L3MBTL4: variants seen among roughly 807,000 people sequenced by gnomAD.
The protein encoded by L3MBTL4 is L3MBTL histone methyl-lysine binding protein 4, also known as lethal(3)malignant brain tumor-like protein 4.
A neutral mutation model predicts 84.5 loss-of-function variants in L3MBTL4; 70 were observed. That is an observed-to-expected ratio of 0.83 (90% CI 0.68 to 1.01). L3MBTL4 has a LOEUF of 1.01. L3MBTL4 is among the 50% of genes least tolerant of loss of function. The pLI is 0.00. For synonymous variants in L3MBTL4, 274 were observed against 259.8 expected, an observed-to-expected ratio of 1.05 and a Z score of -0.52; for missense variants, 715 against 754.8, an observed-to-expected ratio of 0.95 and a Z score of 0.62.
At chr18:6,169,314 C>T (rs1265444669) in intron 13 of L3MBTL4, among the ~76,000 whole-genome samples, 3 of 152,198 alleles carry the variant, frequency 2.0e-5, no homozygotes, top group Non-Finnish European at 2.9e-5. Flanking sequence ...TTTGACCCAG[C>T]CATCCCATTA....
rs577404502 is a variant in L3MBTL4 at position 6,215,013 on chromosome 18, T to C, written c.870+737A>G. Among the ~76,000 whole-genome samples, 19 of 152,294 alleles carry C rather than the reference T, an allele frequency of 1.2e-4. No individual in the cohort carries two copies. In the South Asian group the frequency reaches 3.9e-3, roughly 32 times the overall value. Reference sequence around the variant, plus strand: ...AATACTGTTAATTATAATCAATTTTTTCAAAAAATGAAATATCATTTTGTT... The same window carrying C: ...AATACTGTTAATTATAATCAATTTTCTCAAAAAATGAAATATCATTTTGTT... On this transcript the variant is annotated intron_variant, in intron 11 of 18. Coordinates refer to ENST00000317931, the MANE Select transcript of L3MBTL4 (RefSeq NM_001330559.2).
intron 13 of L3MBTL4, among the ~76,000 whole-genome samples, chr18:6,167,611 G>A (rs989461351): frequency 6.6e-6 from 1 of 152,004 alleles, no homozygotes; most frequent in Non-Finnish European, 1.5e-5. Context: ...GAAAAGGCAT[G>A]TGACAAAATT....
intron 14 of L3MBTL4, among the ~76,000 whole-genome samples, chr18:6,121,521 C>T (rs2059526577): frequency 6.6e-6 from 1 of 152,178 alleles, no homozygotes; most frequent in African/African-American, 2.4e-5. Flanking sequence ...ATTTTCATAA[C>T]TAAAGCTTTT....
intron 14 of L3MBTL4, among the ~76,000 whole-genome samples, chr18:6,112,427 T>C (rs866195062): frequency 6.6e-6 from 1 of 152,288 alleles, no homozygotes; most frequent in Middle Eastern, 3.4e-3. Context: ...TCTTTAGGTA[T>C]TAAAATTGAG....
intron 5 of L3MBTL4, among the ~76,000 whole-genome samples, chr18:6,256,047 T>G (rs1442375880): frequency 6.6e-6 from 1 of 152,218 alleles, no homozygotes; most frequent in Non-Finnish European, 1.5e-5. Context: ...CACAAACACT[T>G]GGTATCTGAC....
At chr18:6,055,214 T>C (rs2056979561) in intron 16 of L3MBTL4, among the ~76,000 whole-genome samples, 1 of 152,250 alleles carries the variant, frequency 6.6e-6, no homozygotes. Flanking sequence ...TGTTTAAAGA[T>C]ATTTTAACCT....
chr18:6,336,865 G>C (rs1054268721), intron 1 of L3MBTL4, among the ~76,000 whole-genome samples: 2 of 152,146 alleles, frequency 1.3e-5, no homozygotes, highest in African/African-American at 2.4e-5. Flanking sequence ...TCAGATATTA[G>C]AGCTAATACC....
At chr18:6,324,785 T>C (rs1034309247) in intron 1 of L3MBTL4, among the ~76,000 whole-genome samples, 1 of 152,224 alleles carries the variant, frequency 6.6e-6, no homozygotes, top group South Asian at 2.1e-4. Flanking sequence ...AAAGATCTAC[T>C]AATGTGTTAT....
Position 6,129,366 on chromosome 18 carries a change from C to CTGTGTGTGTGTGTG in L3MBTL4, c.1199+8827_1199+8828insCACACACACACACA, listed in dbSNP as rs761956097. Among the ~76,000 whole-genome samples the CTGTGTGTGTGTGTG allele has an allele frequency of 1.3e-3, 178 of 139,166 alleles. 1 individual carries two copies. Among genetic ancestry groups the CTGTGTGTGTGTGTG allele is most frequent in the South Asian group, 2.4e-3 (10 of 4,202 alleles). The allele number at this position is 139,166 out of a possible 152,430, so 91.3% of individuals were successfully genotyped here. On this transcript the variant is annotated intron_variant, in intron 14 of 18. Coordinates refer to ENST00000317931, the MANE Select transcript of L3MBTL4 (RefSeq NM_001330559.2). The stretch of plus-strand genomic sequence containing the variant: ...ACTCTTAACAATTTACTGGAATTCT[C>CTGTGTGTGTGTGTG]TCTGTGTGTGTGTGTGTGTGTGTGT...
chr18:6,071,761 A>AAAAGAAGG (rs2057638257), intron 16 of L3MBTL4, among the ~76,000 whole-genome samples: 1 of 92,156 alleles, frequency 1.1e-5, no homozygotes, highest in South Asian at 3.8e-4. Context: ...AAGAAAGAAA[A>AAAAGAAGG]AAAGAAAGAA....
At chr18:6,286,979 G>A (rs969820018) in intron 4 of L3MBTL4, among the ~76,000 whole-genome samples, 2 of 152,120 alleles carry the variant, frequency 1.3e-5, no homozygotes, top group Admixed American at 6.6e-5. Flanking sequence ...CTTCAGTGAA[G>A]GAACTTTTCC....
chr18:6,305,775 G>A (rs969272134), intron 3 of L3MBTL4, among the ~76,000 whole-genome samples: 17 of 152,212 alleles, frequency 1.1e-4, no homozygotes, highest in African/African-American at 3.9e-4. Context: ...TTAATGTTCT[G>A]TTCCCTCCTG....
intron 16 of L3MBTL4, among the ~76,000 whole-genome samples, chr18:6,022,420 C>T (rs1444464920): frequency 6.6e-6 from 1 of 152,208 alleles, no homozygotes; most frequent in East Asian, 1.9e-4. Context: ...ACAGCCTCCA[C>T]AATGCTTTTA....
At chr18:6,209,856 G>A (rs2046031445) in intron 12 of L3MBTL4, among the ~76,000 whole-genome samples, 1 of 152,164 alleles carries the variant, frequency 6.6e-6, no homozygotes, top group South Asian at 2.1e-4. Flanking sequence ...GATGAACCTT[G>A]AAAACATTAT....
intron 16 of L3MBTL4, among the ~76,000 whole-genome samples, chr18:6,047,726 A>G (rs1345616998): frequency 6.6e-6 from 1 of 152,214 alleles, no homozygotes; most frequent in Admixed American, 6.5e-5. Context: ...AACCCTCAAC[A>G]GACTAGTCAT....
chr18:6,185,434 G>A lies in L3MBTL4; in HGVS notation c.982-13492C>T, dbSNP rs371494817. Among the ~76,000 whole-genome samples, 131 of 152,258 alleles carry A rather than the reference G, an allele frequency of 8.6e-4. No homozygotes were observed. In the South Asian group the frequency reaches 0.013, roughly 15 times the overall value. On this transcript the variant is annotated intron_variant, in intron 12 of 18. Coordinates refer to ENST00000317931, the MANE Select transcript of L3MBTL4 (RefSeq NM_001330559.2). ...GCCAAAGGACTCATGAAGACAGGAG[G>A]AGAGGGAGGCTGGGGAAGGCATGCT...
intron 15 of L3MBTL4, among the ~76,000 whole-genome samples, chr18:6,088,031 C>A (rs1317376201): frequency 6.6e-6 from 1 of 152,132 alleles, no homozygotes; most frequent in Admixed American, 6.5e-5. Flanking sequence ...GAAGAAAAAG[C>A]AAAAGCATAA....
At chr18:6,011,257 A>G (rs1275122036) in intron 16 of L3MBTL4, among the ~76,000 whole-genome samples, 1 of 152,232 alleles carries the variant, frequency 6.6e-6, no homozygotes, top group Non-Finnish European at 1.5e-5. Context: ...CTAAAGTGAC[A>G]TGTGACAAGT....
intron 15 of L3MBTL4, among the ~76,000 whole-genome samples, chr18:6,086,017 A>G (rs1453146552): frequency 1.3e-5 from 2 of 152,334 alleles, no homozygotes; most frequent in East Asian, 1.9e-4. Context: ...GCTGTTTGAT[A>G]GAAAAAGGTG....
Sources: gnomAD v4.1 joint callset for allele counts (sites outside exome capture counted in the v4.1 genomes callset) on GRCh38, gnomAD v4.1.1 for gene constraint, MANE v1.5 for transcripts, NCBI Gene and HGNC (gene_info 2026-07-23, HGNC 2026-07-21) for gene names.